Variants in PIK3CD observed in about 807,000 individuals in gnomAD.
PIK3CD encodes the protein phosphatidylinositol 4,5-bisphosphate 3-kinase catalytic subunit delta isoform.
A neutral mutation model predicts 122.9 loss-of-function variants in PIK3CD; 20 were observed. The observed-to-expected ratio is 0.16, with a 90% CI of 0.11 to 0.24. PIK3CD has a LOEUF of 0.24. PIK3CD is among the 10% of genes least tolerant of loss of function. The probability of loss-of-function intolerance (pLI) is 1.00; values close to 1 mark genes in which losing one functional copy is unlikely to be tolerated. For synonymous variants in PIK3CD, 596 were observed against 593.4 expected, an observed-to-expected ratio of 1.00 and a Z score of -0.06; for missense variants, 787 against 1,406.3, an observed-to-expected ratio of 0.56 and a Z score of 7.04.
chr1:9,707,934 T>C (rs1432154808), intron 2 of PIK3CD, among the ~76,000 whole-genome samples: 1 of 148,838 alleles, frequency 6.7e-6, no homozygotes, highest in Admixed American at 6.7e-5. Flanking sequence ...GCTGGGACTA[T>C]GGGTGCCCGC....
chr1:9,664,049 C>CT (rs754341558), intron 1 of PIK3CD, among the ~76,000 whole-genome samples: 1,050 of 101,692 alleles, frequency 0.01, 12 homozygotes, highest in South Asian at 0.023. Flanking sequence ...TTCTTTCTTT[C>CT]TTTTTTTTTT....
At chr1:9,648,707 G>T (rs552659842), upstream of PIK3CD, among the ~76,000 whole-genome samples, 1 of 152,358 alleles carries the variant, frequency 6.6e-6, no homozygotes, top group Non-Finnish European at 1.5e-5. Flanking sequence ...TGCATTCCTG[G>T]GGACAGGCCC....
Position 9,723,849 on chromosome 1 carries a change from G to A in PIK3CD, c.2595-120G>A. 1.1e-6 allele frequency: 1 copy of A among 885,338 alleles called. No individual in the cohort carries two copies. Among genetic ancestry groups the A allele is most frequent in the South Asian group, 1.4e-5 (1 of 71,332 alleles). 54.8% of individuals were successfully genotyped at this position (885,338 alleles called of 1,614,324 possible). ...CGATGTCCAGCATTGTGTCCTCCAT[G>A]TTCTGTTGGTCAAAGCAAGTCACAG... On this transcript the variant is annotated intron_variant, in intron 20 of 23. Coordinates refer to ENST00000377346, the MANE Select transcript of PIK3CD (RefSeq NM_005026.5). This position sits in a 1 kb window ranked among gnomAD's most constrained non-coding sequence, Gnocchi z 4.9.
At chr1:9,699,594 T>C (rs1007314625) in intron 2 of PIK3CD, among the ~76,000 whole-genome samples, 21 of 140,962 alleles carry the variant, frequency 1.5e-4, no homozygotes, top group Admixed American at 1.3e-3. Flanking sequence ...AGGGCCTTTG[T>C]ACTTTCTTTT....
At chr1:9,637,841 C>T in the PIK3CD span, among the ~76,000 whole-genome samples, 3 of 152,044 alleles carry the variant, frequency 2.0e-5, no homozygotes, top group Non-Finnish European at 2.9e-5. Context: ...CTAGGCTGGG[C>T]GCCATGGCTC....
intron 1 of PIK3CD, among the ~76,000 whole-genome samples, chr1:9,662,076 T>C (rs1645025382): frequency 6.6e-6 from 1 of 151,818 alleles, no homozygotes; most frequent in South Asian, 2.1e-4. Context: ...GAAAATCACT[T>C]GAACCCTTAA....
At chr1:9,721,284 G>A in intron 14 of PIK3CD, 36 bp downstream of exon 14, 1 of 1,612,768 alleles carries the variant, frequency 6.2e-7, no homozygotes. Flanking sequence ...CTTCTCCAGA[G>A]GGCAGCTGTG....
At chr1:9,654,375 C>T in intron 1 of PIK3CD, 1 of 1,367,710 alleles carries the variant, frequency 7.3e-7, no homozygotes, top group Non-Finnish European at 9.8e-7. Flanking sequence ...CAAGTGTTTC[C>T]TGAGATCACA....
At chr1:9,701,957 C>T (rs139145707) in intron 2 of PIK3CD, among the ~76,000 whole-genome samples, 2 of 151,886 alleles carry the variant, frequency 1.3e-5, no homozygotes, top group African/African-American at 4.8e-5. Context: ...TACAGCTCGA[C>T]CTGCCAGGCC....
intron 1 of PIK3CD, among the ~76,000 whole-genome samples, chr1:9,675,211 C>G (rs1446565062): frequency 6.6e-6 from 1 of 150,688 alleles, no homozygotes; most frequent in African/African-American, 2.4e-5. Context: ...CGGTGAAACC[C>G]CGTCTCTACT....
At position 9,720,867 on chromosome 1, in the gene PIK3CD, G is replaced by A. The variant is rs1016863565; in HGVS notation, c.1647G>A (p.Leu549=). The change falls in exon 13 of 24, where the codon CTG becomes CTA. Residue 549 remains leucine (L), a synonymous_variant. Transcript: ENST00000377346. This position sits in a 1 kb window ranked among gnomAD's most constrained non-coding sequence, Gnocchi z 9.0. ...ACTTCCCGGAGGCGCTAGCCCGGCT[G>A]CTGCTGGTCACCAAGTGGAACAAGC... is the stretch of plus-strand genomic sequence containing the variant. The part of the protein sequence containing the change: ...QEHFPEALAR[L]LLVTKWNKHE... 1 of 1,607,824 alleles carries A rather than the reference G, an allele frequency of 6.2e-7. No individual in the cohort carries two copies. Among genetic ancestry groups the A allele is most frequent in the South Asian group, 1.1e-5 (1 of 90,078 alleles).
chr1:9,696,320 G>T (rs1366129501), intron 2 of PIK3CD, among the ~76,000 whole-genome samples: 1 of 152,038 alleles, frequency 6.6e-6, no homozygotes, highest in Non-Finnish European at 1.5e-5. Flanking sequence ...CAGTGGGGTG[G>T]CTCGTGCCTG....
At chr1:9,708,119 C>T (rs1488041385) in intron 2 of PIK3CD, among the ~76,000 whole-genome samples, 2 of 151,976 alleles carry the variant, frequency 1.3e-5, no homozygotes, top group African/African-American at 2.4e-5. Flanking sequence ...TAAAGAACAG[C>T]ACAATGAGTG....
At chr1:9,678,445 C>A (rs1203007569) in intron 1 of PIK3CD, among the ~76,000 whole-genome samples, 2 of 152,234 alleles carry the variant, frequency 1.3e-5, no homozygotes, top group East Asian at 3.9e-4. Context: ...CAGAGCCAGA[C>A]CCTGTCTCCA....
chr1:9,661,897 G>A (rs929458853), intron 1 of PIK3CD, among the ~76,000 whole-genome samples: 4 of 152,168 alleles, frequency 2.6e-5, no homozygotes, highest in African/African-American at 4.8e-5. Context: ...TTGGGAGGCT[G>A]AGGCAGGACA....
At chr1:9,659,653 T>C (rs1434899988) in intron 1 of PIK3CD, among the ~76,000 whole-genome samples, 1 of 152,236 alleles carries the variant, frequency 6.6e-6, no homozygotes, top group Non-Finnish European at 1.5e-5. Flanking sequence ...CTGGCTTCAT[T>C]AATTTAGCAT....
Position 9,718,580 on chromosome 1 carries a change from AAGT to A in PIK3CD, c.1021-111_1021-109del. 1.0e-6 allele frequency: 1 copy of A among 961,182 alleles called. No individual in the cohort carries two copies. The highest frequency in any genetic ancestry group is 1.6e-5 in the African/African-American group (1 of 62,170). 59.5% of individuals were successfully genotyped at this position (961,182 alleles called of 1,614,324 possible). A position where few individuals can be genotyped will look rare whatever the true frequency, so the allele number is the denominator to read the frequency against. On this transcript the variant is annotated intron_variant, in intron 8 of 23. Coordinates refer to ENST00000377346, the MANE Select transcript of PIK3CD (RefSeq NM_005026.5). This position sits in a 1 kb window ranked among gnomAD's most constrained non-coding sequence, Gnocchi z 7.2. ...GCTGCACCACCTTCCTTCGTGTGGGAAGTAGAGTTCAGACCCACCTGAGGACAT... is the reference window on the plus strand; with the variant it reads ...GCTGCACCACCTTCCTTCGTGTGGGAAGAGTTCAGACCCACCTGAGGACAT...
chr1:9,645,000 TTTTTCTTTTC>T, the PIK3CD span, among the ~76,000 whole-genome samples: 17 of 129,812 alleles, frequency 1.3e-4, no homozygotes, highest in South Asian at 5.2e-4. Flanking sequence ...TCCAGGCCTA[TTTTTCTTTTC>T]TTTTCTTTTC....
At chr1:9,667,693 A>C (rs1645201536) in intron 1 of PIK3CD, among the ~76,000 whole-genome samples, 1 of 151,500 alleles carries the variant, frequency 6.6e-6, no homozygotes, top group African/African-American at 2.4e-5. Flanking sequence ...TGTTTTGCTA[A>C]TAGGCTCAGA....
Sources: gnomAD v4.1 joint callset for allele counts (sites outside exome capture counted in the v4.1 genomes callset) on GRCh38, gnomAD v4.1.1 for gene constraint, Gnocchi (gnomAD v3.1) non-coding constraint, MANE v1.5 for transcripts, NCBI Gene and HGNC (gene_info 2026-07-23, HGNC 2026-07-21) for gene names.